NUAK1: variants seen among roughly 807,000 people sequenced by gnomAD.
NUAK1 encodes the protein NUAK family SNF1-like kinase 1.
In NUAK1, 26 loss-of-function variants were observed where a neutral mutation model predicts 56.9. The observed-to-expected ratio is 0.46, with a 90% CI of 0.33 to 0.63. NUAK1 has a LOEUF of 0.63. Ranked by LOEUF, NUAK1 falls within the 30% of genes least tolerant of loss-of-function variation. The pLI is 0.02. For synonymous variants in NUAK1, 337 were observed against 336.0 expected (o/e 1.00, Z -0.03); for missense variants, 727 against 876.1 (o/e 0.83, Z 2.15).
In NUAK1 at chr12:106,076,660, G is replaced by A. The variant is rs540707765; in HGVS notation, c.580-3817C>T. 1.1e-4 allele frequency among the ~76,000 whole-genome samples: 17 copies of A among 152,350 alleles called. No individual in the cohort carries two copies. In the South Asian group the frequency reaches 3.5e-3, roughly 32 times the overall value. ...GAAAATTGGGGTTAGAAAGATAAAT[G>A]AGGAAGTAATTATTCATTCACATTT... On this transcript the variant is annotated intron_variant, in intron 4 of 6. Coordinates refer to ENST00000261402, the MANE Select transcript of NUAK1 (RefSeq NM_014840.3).
Position 106,083,927 on chromosome 12 carries a change from G to T in NUAK1, c.516C>A (p.Asn172Lys). 1 of 1,613,630 alleles carries T rather than the reference G, an allele frequency of 6.2e-7. No individual in the cohort carries two copies. Among genetic ancestry groups the T allele is most frequent in the Non-Finnish European group, 8.5e-7 (1 of 1,179,536 alleles). The change falls in exon 4 of 7, where the codon AAC (asparagine) becomes AAA (lysine). Residue 172 changes from asparagine to lysine, a missense_variant and splice_region_variant. By Grantham distance (94) the Asn-to-Lys change is moderately conservative. Transcript: ENST00000261402. ...IVSAVHYCHK[N>K]GVVHRDLKLE... ...GCTTCAAGTCCCGGTGGACCACACCGTTCTGAAATGAGAAGACAAAGAGGG... is the reference window on the plus strand; with the variant it reads ...GCTTCAAGTCCCGGTGGACCACACCTTTCTGAAATGAGAAGACAAAGAGGG...
intron 3 of NUAK1, 23 bp downstream of exon 3, chr12:106,086,711 C>T (rs958148294): frequency 9.4e-6 from 15 of 1,590,906 alleles, no homozygotes; most frequent in Non-Finnish European, 1.3e-5. Context: ...ACGGCCAAAG[C>T]TGCGGGCCAG....
intron 1 of NUAK1, among the ~76,000 whole-genome samples, chr12:106,119,314 T>C (rs1422736427): frequency 1.3e-5 from 2 of 151,016 alleles, no homozygotes; most frequent in African/African-American, 2.4e-5. Flanking sequence ...CCTAACTGAG[T>C]GACCCCGACC....
intron 4 of NUAK1, among the ~76,000 whole-genome samples, chr12:106,081,258 CT>C (rs1336162729): frequency 6.6e-6 from 1 of 151,698 alleles, no homozygotes; most frequent in Non-Finnish European, 1.5e-5. Context: ...ATCCTCTAGA[CT>C]TTCTGGGTCT....
At chr12:106,077,864 C>A (rs2032479575) in intron 4 of NUAK1, among the ~76,000 whole-genome samples, 1 of 152,190 alleles carries the variant, frequency 6.6e-6, no homozygotes, top group Non-Finnish European at 1.5e-5. Flanking sequence ...ATGTCACCTA[C>A]CTGGAAGTGC....
intron 1 of NUAK1, among the ~76,000 whole-genome samples, chr12:106,135,134 C>T (rs780893097): frequency 2.0e-5 from 3 of 152,116 alleles, no homozygotes; most frequent in African/African-American, 4.8e-5. Flanking sequence ...CTCATTTTAC[C>T]GATGAAGAAG....
chr12:106,079,508 A>C (rs1402571570), intron 4 of NUAK1, among the ~76,000 whole-genome samples: 2 of 152,160 alleles, frequency 1.3e-5, no homozygotes, highest in Non-Finnish European at 2.9e-5. Flanking sequence ...GAGGCAGTCA[A>C]GCAGAGACCC....
intron 3 of NUAK1, among the ~76,000 whole-genome samples, chr12:106,086,456 T>C (rs1472580085): frequency 6.6e-6 from 1 of 152,140 alleles, no homozygotes; most frequent in Non-Finnish European, 1.5e-5. Context: ...CCTTTGAAAC[T>C]TTCCTGTAAA....
chr12:106,134,621 C>T (rs920303123), intron 1 of NUAK1, among the ~76,000 whole-genome samples: 10 of 152,180 alleles, frequency 6.6e-5, no homozygotes, highest in Non-Finnish European at 1.2e-4. Context: ...CCCTTGACAT[C>T]GAGGTGATCA....
chr12:106,075,940 G>T (rs2032460791), intron 4 of NUAK1, among the ~76,000 whole-genome samples: 1 of 152,286 alleles, frequency 6.6e-6, no homozygotes, highest in Middle Eastern at 3.4e-3. Flanking sequence ...ACTTAGTTTT[G>T]AGCTTATCTT....
intron 1 of NUAK1, among the ~76,000 whole-genome samples, chr12:106,136,943 C>T (rs1360672352): frequency 3.3e-5 from 5 of 152,290 alleles, no homozygotes; most frequent in Non-Finnish European, 2.9e-5. Context: ...TTTCATCCTA[C>T]GAAAATGGCA....
At chr12:106,077,609 C>T (rs1387057615) in intron 4 of NUAK1, among the ~76,000 whole-genome samples, 3 of 152,182 alleles carry the variant, frequency 2.0e-5, no homozygotes, top group East Asian at 3.9e-4. Context: ...GTTCAAATCT[C>T]AGCCTTGCCT....
intron 2 of NUAK1, among the ~76,000 whole-genome samples, chr12:106,089,102 C>T (rs1323749096): frequency 6.6e-6 from 1 of 152,388 alleles, no homozygotes; most frequent in African/African-American, 2.4e-5. Flanking sequence ...ACTGGAAACA[C>T]CCCGACTGCC....
chr12:106,134,494 C>T (rs2033109583), intron 1 of NUAK1, among the ~76,000 whole-genome samples: 1 of 152,336 alleles, frequency 6.6e-6, no homozygotes, highest in East Asian at 1.9e-4. Flanking sequence ...ACACATTGCC[C>T]ACCAGTCCTG....
chr12:106,138,862 C>T lies in NUAK1; in HGVS notation c.-209G>A. ...CCCGCGGCGCGCACGGTCCGCGCACCGCCCCCCGGCCGCGGCGAGCTGTGG... is the reference window on the plus strand; with the variant it reads ...CCCGCGGCGCGCACGGTCCGCGCACTGCCCCCCGGCCGCGGCGAGCTGTGG... On this transcript the variant is annotated 5_prime_UTR_variant, in exon 1 of 7. Coordinates refer to ENST00000261402, the MANE Select transcript of NUAK1 (RefSeq NM_014840.3). The surrounding 1 kb of genome is among the most constrained non-coding windows in gnomAD (Gnocchi z 5.0). 1 of 555,456 alleles carries T rather than the reference C, an allele frequency of 1.8e-6. No homozygotes were observed. Among genetic ancestry groups the T allele is most frequent in the Non-Finnish European group, 2.7e-6 (1 of 366,906 alleles). The allele number at this position is 555,456 out of a possible 1,614,324, so 34.4% of individuals were successfully genotyped here. A position where few individuals can be genotyped will look rare whatever the true frequency, so the allele number is the denominator to read the frequency against.
chr12:106,081,813 C>T (rs1039595148), intron 4 of NUAK1, among the ~76,000 whole-genome samples: 31 of 152,228 alleles, frequency 2.0e-4, no homozygotes, highest in Non-Finnish European at 3.4e-4. Flanking sequence ...AAGAGGCTTA[C>T]ATTCCAGGCC....
rs192642692 is a variant in NUAK1 at position 106,113,905 on chromosome 12, G to A, written c.241-7380C>T. Among the ~76,000 whole-genome samples the A allele has an allele frequency of 9.9e-5, 15 of 152,136 alleles. No individual in the cohort carries two copies. In the East Asian group the frequency reaches 2.7e-3, roughly 27 times the overall value. ...CTTCACAGTCTACACATAACCCGGAGCACGAAAAAGCCTCTGGTAACACAA... is the reference window on the plus strand; with the variant it reads ...CTTCACAGTCTACACATAACCCGGAACACGAAAAAGCCTCTGGTAACACAA... On this transcript the variant is annotated intron_variant, in intron 1 of 6. Coordinates refer to ENST00000261402, the MANE Select transcript of NUAK1 (RefSeq NM_014840.3).
chr12:106,083,804 G>C (rs1373180053), intron 4 of NUAK1, 60 bp downstream of exon 4: 1 of 1,469,180 alleles, frequency 6.8e-7, no homozygotes, highest in African/African-American at 1.4e-5. Flanking sequence ...AGCAGGTTAA[G>C]CCTCCATCCG....
intron 4 of NUAK1, among the ~76,000 whole-genome samples, chr12:106,076,952 G>A (rs935608872): frequency 1.3e-5 from 2 of 152,178 alleles, no homozygotes; most frequent in African/African-American, 4.8e-5. Context: ...AACAATATGA[G>A]TATACTTAAT....
Sources: allele counts gnomAD v4.1 joint callset (sites outside exome capture counted in the v4.1 genomes callset), GRCh38; gene constraint gnomAD v4.1.1; non-coding constraint Gnocchi (gnomAD v3.1); transcripts MANE v1.5; gene names NCBI Gene and HGNC (gene_info 2026-07-23, HGNC 2026-07-21).